Variants in BPIFB2 observed in about 807,000 individuals in gnomAD.
BPIFB2 encodes BPI fold-containing family B member 2.
A neutral mutation model predicts 50.1 loss-of-function variants in BPIFB2; 39 were observed. The observed-to-expected ratio is 0.78, with a 90% CI of 0.60 to 1.02. The LOEUF (loss-of-function observed/expected upper bound fraction) is 1.02. Among genes scored for constraint, BPIFB2 ranks in the 50% least tolerant of loss-of-function variants. The pLI, the probability that BPIFB2 is intolerant of heterozygous loss-of-function variation, is 0.00. For missense variants in BPIFB2, 574 were observed against 585.8 expected, an observed-to-expected ratio of 0.98 and a Z score of 0.21; for synonymous variants, 280 against 256.3, an observed-to-expected ratio of 1.09 and a Z score of -0.88.
intron 2 of BPIFB2, among the ~76,000 whole-genome samples, chr20:33,010,124 T>C (rs993626165): frequency 2.0e-5 from 3 of 152,046 alleles, no homozygotes; most frequent in Admixed American, 6.5e-5. Context: ...GACTCCTCAT[T>C]TGAAGCTCCC....
chr20:33,021,166 T>A, intron 13 of BPIFB2, 115 bp from the exon 14 acceptor site: 1 of 1,162,342 alleles, frequency 8.6e-7, no homozygotes, highest in Non-Finnish European at 1.2e-6. Flanking sequence ...CCTCAGCCTC[T>A]GCCATCCATC....
At position 33,015,437 on chromosome 20, in the gene BPIFB2, A is replaced by G; in HGVS notation, c.457A>G (p.Thr153Ala). The stretch of plus-strand genomic sequence containing the variant: ...ACTCTTTCTGTGTTTCTCCCTCAGC[A>G]CCTCCCACGCGCTGCTGGTCCTGGT... ...HANEFDGSNS[T>A]SHALLVLVQK... Residue 153 changes from threonine (T) to alanine (A), a missense_variant and splice_region_variant, in exon 6 of 16, where the codon ACC (threonine) becomes GCC (alanine). By Grantham distance (58) the Thr-to-Ala change is moderately conservative. Coordinates refer to ENST00000170150, the MANE Select transcript of BPIFB2 (RefSeq NM_025227.3). 6.2e-7 allele frequency: 1 copy of G among 1,612,646 alleles called. No individual in the cohort carries two copies. The highest frequency in any genetic ancestry group is 8.5e-7 in the Non-Finnish European group (1 of 1,179,480).
At position 33,011,082 on chromosome 20, in the gene BPIFB2, C is replaced by G; in HGVS notation, c.168C>G (p.Phe56Leu). The G allele has an allele frequency of 6.2e-7, 1 of 1,614,064 alleles. No individual in the cohort carries two copies. The highest frequency in any genetic ancestry group is 8.5e-7 in the Non-Finnish European group (1 of 1,179,960). Residue 56 changes from phenylalanine to leucine, a missense_variant, in exon 3 of 16, where the codon TTC becomes TTG. Physicochemically the swap from Phe to Leu is conservative, Grantham distance 22 (BLOSUM62 0). Transcript: ENST00000170150. ...QRALQVTVPH[F>L]LDWSGEALQP... ...CCCTGCAGGTCACTGTCCCTCATTT[C>G]CTGGACTGGAGTGGAGAGGCGCTTC... is the stretch of plus-strand genomic sequence containing the variant.
chr20:33,016,985 GCCCTCCAGCCCCAGGGCTGCCCTA>G lies in BPIFB2; in HGVS notation c.517-56_517-33del. 3 of 1,526,182 alleles carry G rather than the reference GCCCTCCAGCCCCAGGGCTGCCCTA, an allele frequency of 2.0e-6. No homozygotes were observed. The South Asian group carries it at 3.4e-5, about 17-fold the overall frequency. The allele number at this position is 1,526,182 out of a possible 1,614,324, so 94.5% of individuals were successfully genotyped here. A position where few individuals can be genotyped will look rare whatever the true frequency, so the allele number is the denominator to read the frequency against. On this transcript the variant is annotated intron_variant, in intron 6 of 15. Transcript: ENST00000170150. Reference sequence around the variant, plus strand: ...GACTCTAGACCCCTCTCAGCCTTGTGCCCTCCAGCCCCAGGGCTGCCCTAACCCCAGCCTCCTTCTCTCTGTCTT... The same window carrying G: ...GACTCTAGACCCCTCTCAGCCTTGTGACCCCAGCCTCCTTCTCTCTGTCTT...
Position 33,008,672 on chromosome 20 carries a change from C to T in BPIFB2, c.98C>T (p.Ala33Val). 6.2e-7 allele frequency: 1 copy of T among 1,602,500 alleles called. No individual in the cohort carries two copies. Among genetic ancestry groups the T allele is most frequent in the Non-Finnish European group, 8.5e-7 (1 of 1,174,368 alleles). Residue 33 changes from alanine (A) to valine (V), a missense_variant, in exon 2 of 16, where the codon GCA becomes GTA. Transcript: ENST00000170150. ...PGTVVRLNKA[A>V]LSYVSEIGKA... ...ACCGTGGTCCGACTCAACAAGGCAG[C>T]ATTGAGCTACGGTAAGCGGTGTGTT...
intron 13 of BPIFB2, 111 bp downstream of exon 13, chr20:33,020,698 A>G (rs1978631961): frequency 7.7e-7 from 1 of 1,292,418 alleles, no homozygotes; most frequent in Non-Finnish European, 1.0e-6. Context: ...TGTGTGTGCC[A>G]CTATAGTCAG....
chr20:33,022,597 G>C (rs753079144), intron 15 of BPIFB2, among the ~76,000 whole-genome samples: 4 of 152,170 alleles, frequency 2.6e-5, no homozygotes, highest in Non-Finnish European at 5.9e-5. Context: ...GTCCAGTACT[G>C]TTACCAATGG....
intron 5 of BPIFB2, among the ~76,000 whole-genome samples, chr20:33,014,974 A>G (rs992094339): frequency 1.3e-5 from 2 of 152,046 alleles, no homozygotes; most frequent in African/African-American, 4.8e-5. Flanking sequence ...ATAGGTGCCT[A>G]TGGAGCACTG....
In BPIFB2 at chr20:33,020,639, C is replaced by T. The variant is rs755224273; in HGVS notation, c.1194+52C>T. The T allele has an allele frequency of 7.9e-6, 12 of 1,522,904 alleles. No individual in the cohort carries two copies. The South Asian group carries it at 1.5e-4, about 19-fold the overall frequency. The allele number at this position is 1,522,904 out of a possible 1,614,324, so 94.3% of individuals were successfully genotyped here. A position where few individuals can be genotyped will look rare whatever the true frequency, so the allele number is the denominator to read the frequency against. On this transcript the variant is annotated intron_variant, in intron 13 of 15. Transcript: ENST00000170150. The stretch of plus-strand genomic sequence containing the variant: ...AACCCCCGTCCTGGGTAGGGCACAC[C>T]TTGAGCCTGGGGAAGAGATGGCTGT...
chr20:33,012,004 C>CAA (rs1990295832), intron 3 of BPIFB2, among the ~76,000 whole-genome samples: 1 of 151,888 alleles, frequency 6.6e-6, no homozygotes, highest in Non-Finnish European at 1.5e-5. Flanking sequence ...AAAACAAAAA[C>CAA]AAACAAACAA....
chr20:33,019,719 C>G lies in BPIFB2; in HGVS notation c.1049C>G (p.Ser350Trp). ...FVEVLATASN[S>W]AFQSLFSLDV... ...GAGGTCCTGGCCACAGCCTCCAACT[C>G]GGCTTTCCAGTCCCTCTTCTCCCTG... is the stretch of plus-strand genomic sequence containing the variant. Residue 350 changes from serine (S) to tryptophan (W), a missense_variant, in exon 11 of 16, where the codon TCG becomes TGG. Physicochemically the swap from Ser to Trp is radical, Grantham distance 177. Coordinates refer to ENST00000170150, the MANE Select transcript of BPIFB2 (RefSeq NM_025227.3). The G allele has an allele frequency of 6.2e-7, 1 of 1,610,376 alleles. No homozygotes were observed. The highest frequency in any genetic ancestry group is 8.5e-7 in the Non-Finnish European group (1 of 1,178,098).
chr20:33,021,474 G>A, intron 14 of BPIFB2, 130 bp downstream of exon 14: 1 of 1,101,524 alleles, frequency 9.1e-7, no homozygotes, highest in Non-Finnish European at 1.3e-6. Flanking sequence ...CTGGAGTCTA[G>A]CAGCCCATGT....
chr20:33,020,235 C>T (rs1978609105), intron 11 of BPIFB2, 93 bp from the exon 12 acceptor site: 21 of 1,255,456 alleles, frequency 1.7e-5, no homozygotes, highest in Non-Finnish European at 2.2e-5. Context: ...ACACCTGCTG[C>T]CTGAATGAGT....
intron 3 of BPIFB2, among the ~76,000 whole-genome samples, chr20:33,011,611 G>A (rs1047138643): frequency 3.9e-5 from 6 of 152,202 alleles, no homozygotes; most frequent in African/African-American, 1.4e-4. Context: ...GCTCACTACT[G>A]TCAGATCTTT....
At chr20:33,010,039 G>T (rs1990264371) in intron 2 of BPIFB2, among the ~76,000 whole-genome samples, 1 of 152,198 alleles carries the variant, frequency 6.6e-6, no homozygotes, top group Non-Finnish European at 1.5e-5. Flanking sequence ...TTCTTGTTGG[G>T]GGAGACTAAG....
chr20:33,020,615 A>G (rs1978628901), intron 13 of BPIFB2, 28 bp downstream of exon 13: 1 of 1,577,274 alleles, frequency 6.3e-7, no homozygotes, highest in East Asian at 2.3e-5. Context: ...GCCTCTAGAA[A>G]CCCCCGTCCT....
At chr20:33,020,244 G>C in intron 11 of BPIFB2, 84 bp from the exon 12 acceptor site, 4 of 1,352,716 alleles carry the variant, frequency 3.0e-6, no homozygotes, top group Non-Finnish European at 4.2e-6. Context: ...GCCTGAATGA[G>C]TCGGGGGATG....
intron 6 of BPIFB2, 138 bp from the exon 7 acceptor site, chr20:33,016,904 G>A (rs1978449852): frequency 4.1e-6 from 3 of 727,386 alleles, no homozygotes; most frequent in Admixed American, 2.6e-5. Flanking sequence ...GCCCACTGGC[G>A]GGTGGAGGAA....
At chr20:33,019,864 A>G in intron 11 of BPIFB2, 114 bp downstream of exon 11, 1 of 1,303,984 alleles carries the variant, frequency 7.7e-7, no homozygotes, top group Non-Finnish European at 1.0e-6. Flanking sequence ...CTGTTCCTTG[A>G]ATGTGTCAGG....
Sources: gnomAD v4.1 joint callset for allele counts (sites outside exome capture counted in the v4.1 genomes callset) on GRCh38, gnomAD v4.1.1 for gene constraint, MANE v1.5 for transcripts, NCBI Gene and HGNC (gene_info 2026-07-23, HGNC 2026-07-21) for gene names.